GRIN3A: variants seen among roughly 807,000 people sequenced by gnomAD.
GRIN3A encodes the protein glutamate ionotropic receptor NMDA type subunit 3A, also known as glutamate receptor ionotropic, NMDA 3A.
GRIN3A carries 47 observed loss-of-function variants against 92.4 expected under a neutral mutation model. The observed-to-expected ratio is 0.51, with a 90% CI of 0.40 to 0.65. The LOEUF (loss-of-function observed/expected upper bound fraction) is 0.65. Among genes scored for constraint, GRIN3A ranks in the 30% least tolerant of loss-of-function variants. GRIN3A has a pLI of 0.00. For missense variants in GRIN3A, 1,324 were observed against 1,393.1 expected (o/e 0.95, Z 0.79); for synonymous variants, 527 against 540.6 (o/e 0.97, Z 0.35).
intron 1 of GRIN3A, among the ~76,000 whole-genome samples, chr9:101,705,246 G>A (rs1056562571): frequency 5.9e-5 from 9 of 152,126 alleles, no homozygotes; most frequent in Non-Finnish European, 4.4e-5. Flanking sequence ...GTTGAGAAGA[G>A]CAGAGGAACA....
intron 1 of GRIN3A, among the ~76,000 whole-genome samples, chr9:101,688,837 C>T (rs1829575202): frequency 1.3e-5 from 2 of 152,068 alleles, no homozygotes; most frequent in Non-Finnish European, 2.9e-5. Flanking sequence ...CACTGTACTC[C>T]AGCCTGGGCA....
In GRIN3A at chr9:101,738,357, C is replaced by T. The variant is rs570009955; in HGVS notation, c.-378G>A. 2 of 287,394 alleles carry T rather than the reference C, an allele frequency of 7.0e-6. No homozygotes were observed. Among genetic ancestry groups the T allele is most frequent in the East Asian group, 1.0e-4 (1 of 9,604 alleles). The allele number at this position is 287,394 out of a possible 1,614,324, so 17.8% of individuals were successfully genotyped here. A position where few individuals can be genotyped will look rare whatever the true frequency, so the allele number is the denominator to read the frequency against. On this transcript the variant is annotated 5_prime_UTR_variant, in exon 1 of 9. Coordinates refer to ENST00000361820, the MANE Select transcript of GRIN3A (RefSeq NM_133445.3). The stretch of plus-strand genomic sequence containing the variant: ...CCGGGATGAGAAGCAGCCGGAGTTC[C>T]TCGGGGGCAGCAGTGACAGAGGAGC...
At chr9:101,613,975 T>G (rs1334198645) in intron 5 of GRIN3A, among the ~76,000 whole-genome samples, 2 of 152,306 alleles carry the variant, frequency 1.3e-5, no homozygotes, top group East Asian at 3.9e-4. Context: ...CTTTTTAAAT[T>G]TATTTTTAAT....
chr9:101,569,969 C>A lies in GRIN3A; in HGVS notation c.*3205G>T, dbSNP rs1238747783. On this transcript the variant is annotated 3_prime_UTR_variant, in exon 9 of 9. Transcript: ENST00000361820. ...ACTTTTCTGGCTGGAAGGGAAGCAGCAGCTCTTGATAGGGTTTGTGCAATA... is the reference window on the plus strand; with the variant it reads ...ACTTTTCTGGCTGGAAGGGAAGCAGAAGCTCTTGATAGGGTTTGTGCAATA... 2.0e-5 allele frequency: 3 copies of A among 152,192 alleles called. No homozygotes were observed. Among genetic ancestry groups the A allele is most frequent in the African/African-American group, 7.2e-5 (3 of 41,430 alleles). The allele number at this position is 152,192 out of a possible 1,614,324, so 9.4% of individuals were successfully genotyped here.
At chr9:101,641,720 T>G (rs532236000) in intron 3 of GRIN3A, among the ~76,000 whole-genome samples, 1 of 151,780 alleles carries the variant, frequency 6.6e-6, no homozygotes, top group Admixed American at 6.6e-5. Flanking sequence ...ACATGGCACA[T>G]GTATACATAT....
intron 3 of GRIN3A, among the ~76,000 whole-genome samples, chr9:101,642,784 C>T (rs1260037306): frequency 6.6e-6 from 1 of 152,038 alleles, no homozygotes; most frequent in Non-Finnish European, 1.5e-5. Context: ...TATTGTGAAC[C>T]CCACGTGCGA....
In GRIN3A at chr9:101,578,200, CAAAG is replaced by C. The variant is rs1489841146; in HGVS notation, c.2932-360_2932-357del. On this transcript the variant is annotated intron_variant, in intron 7 of 8. Coordinates refer to ENST00000361820, the MANE Select transcript of GRIN3A (RefSeq NM_133445.3). Reference sequence around the variant, plus strand: ...GTATATAATTAATTGACAACCAAAACAAAGAAGGGAAGGAGGACTCTTGAGAATT... The same window carrying C: ...GTATATAATTAATTGACAACCAAAACAAGGGAAGGAGGACTCTTGAGAATT... 3.3e-5 allele frequency among the ~76,000 whole-genome samples: 5 copies of C among 152,158 alleles called. No homozygotes were observed. In the South Asian group the frequency reaches 6.2e-4, roughly 19 times the overall value.
In GRIN3A at chr9:101,577,768, C is replaced by G; in HGVS notation, c.3008G>C (p.Arg1003Thr). The G allele has an allele frequency of 6.2e-7, 1 of 1,609,402 alleles. No homozygotes were observed. Among genetic ancestry groups the G allele is most frequent in the South Asian group, 1.1e-5 (1 of 90,994 alleles). The change falls in exon 8 of 9, where the codon AGG (arginine) becomes ACG (threonine). Residue 1003 changes from arginine to threonine, a missense_variant and splice_region_variant. Arg to Thr is a moderately conservative substitution (Grantham distance 71, BLOSUM62 -1). Transcript: ENST00000361820. ...QHFKTKRVEK[R>T]SNVGPRQLTV... ...ACAGTTGCCATTGGCCCCTTCTTAC[C>G]TCTTTTCCACACGTTTGGTCTTGAA...
At chr9:101,663,513 C>T (rs992890157) in intron 3 of GRIN3A, among the ~76,000 whole-genome samples, 1 of 151,852 alleles carries the variant, frequency 6.6e-6, no homozygotes, top group African/African-American at 2.4e-5. Flanking sequence ...AATTCCATTT[C>T]AGTGTCTTGT....
chr9:101,653,841 T>C (rs1405615813), intron 3 of GRIN3A, among the ~76,000 whole-genome samples: 1 of 151,882 alleles, frequency 6.6e-6, no homozygotes, highest in Non-Finnish European at 1.5e-5. Flanking sequence ...CTATTGTATG[T>C]GTACCTCATC....
Position 101,737,976 on chromosome 9 carries a change from T to C in GRIN3A, c.4A>G (p.Arg2Gly). The C allele has an allele frequency of 6.5e-7, 1 of 1,534,582 alleles. No individual in the cohort carries two copies. Among genetic ancestry groups the C allele is most frequent in the Non-Finnish European group, 8.7e-7 (1 of 1,146,772 alleles). M[R>G]RLSLWWLLSR... ...AGCAGCCACCACAAACTCAGTCTCC[T>C]CATTACTGAGACCCGCAGGGAGAAA... The change falls in exon 1 of 9, where the codon AGG (arginine) becomes GGG (glycine). Residue 2 changes from arginine (R) to glycine (G), a missense_variant. Physicochemically the swap from Arg to Gly is moderately radical, Grantham distance 125. Coordinates refer to ENST00000361820, the MANE Select transcript of GRIN3A (RefSeq NM_133445.3).
Position 101,685,308 on chromosome 9 carries a change from C to CTTT in GRIN3A, c.1304+1285_1304+1287dup, listed in dbSNP as rs35028586. On this transcript the variant is annotated intron_variant, in intron 2 of 8. Coordinates refer to ENST00000361820, the MANE Select transcript of GRIN3A (RefSeq NM_133445.3). ...TGCACCCCTTGACCTTTTATCATGTCTTTTTTTTTTTTTTTTTTTGAGACG... is the reference window on the plus strand; with the variant it reads ...TGCACCCCTTGACCTTTTATCATGTCTTTTTTTTTTTTTTTTTTTTTTGAGACG... Among the ~76,000 whole-genome samples the CTTT allele has an allele frequency of 1.2e-3, 138 of 115,196 alleles. 2 individuals are homozygous for CTTT. Among genetic ancestry groups the CTTT allele is most frequent in the African/African-American group, 2.4e-3 (76 of 31,026 alleles). 75.6% of individuals were successfully genotyped at this position (115,196 alleles called of 152,430 possible). A position where few individuals can be genotyped will look rare whatever the true frequency, so the allele number is the denominator to read the frequency against.
At chr9:101,684,118 C>CTT (rs763931757) in intron 2 of GRIN3A, among the ~76,000 whole-genome samples, 11 of 123,788 alleles carry the variant, frequency 8.9e-5, no homozygotes, top group Admixed American at 3.4e-4. Context: ...TTCTTTCTTT[C>CTT]TTTTTTTTTT....
intron 6 of GRIN3A, among the ~76,000 whole-genome samples, chr9:101,602,108 A>G (rs1337479051): frequency 1.3e-5 from 2 of 152,050 alleles, no homozygotes; most frequent in Non-Finnish European, 2.9e-5. Context: ...ACTGTGTGAG[A>G]AGAGGGGCAT....
intron 6 of GRIN3A, among the ~76,000 whole-genome samples, chr9:101,609,542 T>C (rs1828331552): frequency 6.6e-6 from 1 of 152,172 alleles, no homozygotes; most frequent in African/African-American, 2.4e-5. Context: ...TTGTTTTAGG[T>C]TAGTTACTTT....
At chr9:101,685,359 A>C (rs564324420) in intron 2 of GRIN3A, among the ~76,000 whole-genome samples, 11 of 125,836 alleles carry the variant, frequency 8.7e-5, no homozygotes, top group African/African-American at 3.3e-4. Context: ...GCCCATTATC[A>C]TGTCTTTTTT....
intron 1 of GRIN3A, among the ~76,000 whole-genome samples, chr9:101,718,577 T>C (rs913641132): frequency 5.3e-5 from 8 of 152,198 alleles, no homozygotes; most frequent in African/African-American, 1.9e-4. Context: ...GAATTCACCT[T>C]ATAGGTTACT....
At chr9:101,613,618 C>A in intron 5 of GRIN3A, 91 bp from the exon 6 acceptor site, 1 of 1,234,334 alleles carries the variant, frequency 8.1e-7, no homozygotes, top group Non-Finnish European at 1.2e-6. Context: ...TGCCATCAGA[C>A]CAAAAAAAGG....
intron 1 of GRIN3A, among the ~76,000 whole-genome samples, chr9:101,722,874 C>T (rs1197906120): frequency 6.6e-6 from 1 of 152,096 alleles, no homozygotes; most frequent in African/African-American, 2.4e-5. Flanking sequence ...TACTTTGAAA[C>T]TTTGAATTTT....
Sources: allele counts gnomAD v4.1 joint callset (sites outside exome capture counted in the v4.1 genomes callset), GRCh38; gene constraint gnomAD v4.1.1; transcripts MANE v1.5; gene names NCBI Gene and HGNC (gene_info 2026-07-23, HGNC 2026-07-21).